Variants in NDUFAF2 observed in about 807,000 individuals in gnomAD.
NDUFAF2 encodes NADH dehydrogenase [ubiquinone] 1 alpha subcomplex assembly factor 2.
NDUFAF2 carries 13 observed loss-of-function variants against 22.8 expected under a neutral mutation model. That is an observed-to-expected ratio of 0.57 (90% CI 0.37 to 0.91). The LOEUF is 0.91. Among genes scored for constraint, NDUFAF2 ranks in the 40% least tolerant of loss-of-function variants. The probability of loss-of-function intolerance (pLI) is 0.01; values close to 1 mark genes in which losing one functional copy is unlikely to be tolerated. For missense variants in NDUFAF2, 162 were observed against 195.2 expected (o/e 0.83, Z 1.01); for synonymous variants, 53 against 64.2 (o/e 0.83, Z 0.84).
intron 1 of NDUFAF2, among the ~76,000 whole-genome samples, chr5:61,040,280 A>ACGCGCGCGCGCG (rs745774856): frequency 1.7e-5 from 2 of 114,700 alleles, no homozygotes; most frequent in African/African-American, 6.0e-5. Flanking sequence ...ACACACACAC[A>ACGCGCGCGCGCG]CACACACGCG....
At chr5:61,080,262 G>A (rs891829863) in intron 2 of NDUFAF2, among the ~76,000 whole-genome samples, 2 of 152,048 alleles carry the variant, frequency 1.3e-5, no homozygotes, top group African/African-American at 2.4e-5. Flanking sequence ...ACACATTCAC[G>A]TACAAATCTG....
At chr5:60,984,364 C>G (rs906569596) in intron 1 of NDUFAF2, among the ~76,000 whole-genome samples, 228 of 152,080 alleles carry the variant, frequency 1.5e-3, no homozygotes, top group Non-Finnish European at 1.6e-3. Context: ...TTGACTTCCT[C>G]TTTTCCTAAT....
intron 3 of NDUFAF2, among the ~76,000 whole-genome samples, chr5:61,134,456 C>T (rs762458166): frequency 3.9e-5 from 6 of 152,122 alleles, no homozygotes; most frequent in East Asian, 1.9e-4. Flanking sequence ...GATGCCAAGG[C>T]GGACGGGTCA....
intron 1 of NDUFAF2, among the ~76,000 whole-genome samples, chr5:60,955,661 G>A (rs897582434): frequency 6.6e-6 from 1 of 152,118 alleles, no homozygotes; most frequent in Non-Finnish European, 1.5e-5. Context: ...GCTTTGGGTA[G>A]TATGAGCACT....
At chr5:61,079,836 A>G (rs1752418603) in intron 2 of NDUFAF2, among the ~76,000 whole-genome samples, 1 of 152,178 alleles carries the variant, frequency 6.6e-6, no homozygotes, top group South Asian at 2.1e-4. Context: ...TCCCAGCTCC[A>G]TCTTCTTAAC....
intron 3 of NDUFAF2, among the ~76,000 whole-genome samples, chr5:61,141,163 G>A (rs904962553): frequency 4.0e-5 from 6 of 151,572 alleles, no homozygotes; most frequent in African/African-American, 1.5e-4. Flanking sequence ...GGAGGCGGAG[G>A]TTAAAGTGAG....
At position 61,099,111 on chromosome 5, in the gene NDUFAF2, A is replaced by AT. The variant is rs1439473825; in HGVS notation, c.258+83dup. On this transcript the variant is annotated intron_variant, in intron 3 of 3. Coordinates refer to ENST00000296597, the MANE Select transcript of NDUFAF2 (RefSeq NM_174889.5). ...CGAAGCTTCAGAAAAACTATGATGT[A>AT]TTTTCTCAAAGTGTTGATTTTATTC... 4 of 966,826 alleles carry AT rather than the reference A, an allele frequency of 4.1e-6. No homozygotes were observed. In the African/African-American group the frequency reaches 6.6e-5, roughly 16 times the overall value. The allele number at this position is 966,826 out of a possible 1,614,324, so 59.9% of individuals were successfully genotyped here. A position where few individuals can be genotyped will look rare whatever the true frequency, so the allele number is the denominator to read the frequency against.
intron 1 of NDUFAF2, among the ~76,000 whole-genome samples, chr5:61,054,288 AAAAC>A (rs1475655140): frequency 6.6e-6 from 1 of 152,232 alleles, no homozygotes; most frequent in Non-Finnish European, 1.5e-5. Context: ...TCACATTGTA[AAAAC>A]AACTGTAGTT....
intron 2 of NDUFAF2, among the ~76,000 whole-genome samples, chr5:61,076,036 G>A (rs1580123813): frequency 1.3e-5 from 2 of 152,118 alleles, no homozygotes; most frequent in East Asian, 3.9e-4. Context: ...ATAAAGCAGG[G>A]AAAGGGCATA....
At chr5:61,022,703 G>A (rs1349399033) in intron 1 of NDUFAF2, among the ~76,000 whole-genome samples, 1 of 152,176 alleles carries the variant, frequency 6.6e-6, no homozygotes, top group Non-Finnish European at 1.5e-5. Context: ...GGAGTGTAGT[G>A]GCGTGATCTC....
chr5:61,052,381 G>C (rs1752035094), intron 1 of NDUFAF2, among the ~76,000 whole-genome samples: 1 of 152,110 alleles, frequency 6.6e-6, no homozygotes, highest in Non-Finnish European at 1.5e-5. Flanking sequence ...TGCGTTCTCT[G>C]CTTACTGCAA....
At chr5:61,060,174 T>A (rs1580117421) in intron 1 of NDUFAF2, among the ~76,000 whole-genome samples, 1 of 152,154 alleles carries the variant, frequency 6.6e-6, no homozygotes, top group Admixed American at 6.5e-5. Context: ...AACCTAAACA[T>A]TGCTTGGTGA....
At chr5:61,014,246 C>T (rs1751478782) in intron 1 of NDUFAF2, among the ~76,000 whole-genome samples, 1 of 152,204 alleles carries the variant, frequency 6.6e-6, no homozygotes, top group African/African-American at 2.4e-5. Flanking sequence ...AATGAGACCT[C>T]CGTGAAAACC....
intron 1 of NDUFAF2, among the ~76,000 whole-genome samples, chr5:61,019,906 A>T (rs1293918670): frequency 6.6e-6 from 1 of 152,052 alleles, no homozygotes; most frequent in East Asian, 1.9e-4. Flanking sequence ...AGATGTTCCT[A>T]AGTGTCCTGG....
intron 1 of NDUFAF2, among the ~76,000 whole-genome samples, chr5:61,047,596 G>T (rs1167131856): frequency 6.6e-6 from 1 of 152,022 alleles, no homozygotes; most frequent in African/African-American, 2.4e-5. Context: ...ATTGCTCTTG[G>T]ATCTCAGTGT....
chr5:61,100,272 C>G lies in NDUFAF2; in HGVS notation c.258+1240C>G, dbSNP rs1752690410. Reference sequence around the variant, plus strand: ...TCATTTGCTTCATCCATCCTCAGAACTTTGAAAGCCTTATTCATAGAAACA... The same window carrying G: ...TCATTTGCTTCATCCATCCTCAGAAGTTTGAAAGCCTTATTCATAGAAACA... On this transcript the variant is annotated intron_variant, in intron 3 of 3. Coordinates refer to ENST00000296597, the MANE Select transcript of NDUFAF2 (RefSeq NM_174889.5). Among the ~76,000 whole-genome samples, 4 of 152,202 alleles carry G rather than the reference C, an allele frequency of 2.6e-5. 1 individual carries two copies. The South Asian group carries it at 8.3e-4, about 32-fold the overall frequency.
chr5:61,090,069 C>A (rs9291706), intron 2 of NDUFAF2, among the ~76,000 whole-genome samples: 123,736 of 151,892 alleles, frequency 0.81, 50,927 homozygotes, highest in East Asian at 1. Flanking sequence ...ACTGGTGTGT[C>A]TTCATAGACT....
intron 3 of NDUFAF2, among the ~76,000 whole-genome samples, chr5:61,130,010 A>G (rs1352546517): frequency 6.6e-6 from 1 of 152,120 alleles, no homozygotes; most frequent in Non-Finnish European, 1.5e-5. Context: ...GAAAAGAAAC[A>G]TTCTCAAGAA....
intron 1 of NDUFAF2, among the ~76,000 whole-genome samples, chr5:61,057,618 G>A (rs1752115731): frequency 6.6e-6 from 1 of 152,084 alleles, no homozygotes. Context: ...GAAAAGGTGG[G>A]TGGTACTCTG....
Sources: allele counts gnomAD v4.1 joint callset (sites outside exome capture counted in the v4.1 genomes callset), GRCh38; gene constraint gnomAD v4.1.1; transcripts MANE v1.5; gene names NCBI Gene and HGNC (gene_info 2026-07-23, HGNC 2026-07-21).